Variants in TPP2 observed in about 807,000 individuals in gnomAD.
The protein encoded by TPP2 is tripeptidyl peptidase 2.
In TPP2, 34 loss-of-function variants were observed where a neutral mutation model predicts 155.9. That is an observed-to-expected ratio of 0.22 (90% confidence interval 0.17 to 0.29). TPP2 has a LOEUF of 0.29. Ranked by LOEUF, TPP2 falls within the 10% of genes least tolerant of loss-of-function variation. The probability of loss-of-function intolerance (pLI) is 1.00; values close to 1 mark genes in which losing one functional copy is unlikely to be tolerated. For missense variants in TPP2, 1,028 were observed against 1,522.3 expected, an observed-to-expected ratio of 0.68 and a Z score of 5.40; for synonymous variants, 510 against 529.4, an observed-to-expected ratio of 0.96 and a Z score of 0.50.
chr13:102,651,287 TAGAC>T, intron 23 of TPP2, 68 bp from the exon 24 acceptor site: 1 of 1,488,528 alleles, frequency 6.7e-7, no homozygotes, highest in Admixed American at 2.0e-5. Context: ...GAAAGACAAT[TAGAC>T]AGAGGTTCTG....
In TPP2 at chr13:102,678,440, A is replaced by G. The variant is rs1885425295; in HGVS notation, c.*124A>G. On this transcript the variant is annotated 3_prime_UTR_variant, in exon 30 of 30. Coordinates refer to ENST00000376052, the MANE Select transcript of TPP2 (RefSeq NM_001330588.2). ...CCACTATCCAGTACTGATTATTAAA[A>G]TGACATGTATTTATCAGAGAATTCA... is the stretch of plus-strand genomic sequence containing the variant. 1 of 721,312 alleles carries G rather than the reference A, an allele frequency of 1.4e-6. No homozygotes were observed. The highest frequency in any genetic ancestry group is 1.8e-5 in the African/African-American group (1 of 55,674). The allele number at this position is 721,312 out of a possible 1,614,324, so 44.7% of individuals were successfully genotyped here. A position where few individuals can be genotyped will look rare whatever the true frequency, so the allele number is the denominator to read the frequency against.
intron 25 of TPP2, among the ~76,000 whole-genome samples, chr13:102,659,108 G>A (rs911606196): frequency 1.3e-5 from 2 of 152,194 alleles, no homozygotes; most frequent in African/African-American, 4.8e-5. Context: ...ATTTCTTGCT[G>A]AAGGAATTGA....
intron 22 of TPP2, 117 bp downstream of exon 22, chr13:102,649,268 A>C: frequency 7.0e-7 from 1 of 1,435,860 alleles, no homozygotes; most frequent in Non-Finnish European, 9.2e-7. Flanking sequence ...TTTTGGCTGA[A>C]GTATTTCTTC....
At chr13:102,597,225 CGGGCGCGG>C in intron 1 of TPP2, 22 bp downstream of exon 1, 1 of 1,331,028 alleles carries the variant, frequency 7.5e-7, no homozygotes, top group Non-Finnish European at 9.7e-7. Flanking sequence ...CCCGAGGGCC[CGGGCGCGG>C]GGGCGCGGGC....
chr13:102,604,391 T>C (rs1722111151), intron 1 of TPP2, among the ~76,000 whole-genome samples: 1 of 152,082 alleles, frequency 6.6e-6, no homozygotes, highest in Non-Finnish European at 1.5e-5. Flanking sequence ...ATCTGACATG[T>C]TCTTTTTTTT....
At chr13:102,644,519 TAAGAA>T in intron 17 of TPP2, 33 bp from the exon 18 acceptor site, 1 of 1,485,554 alleles carries the variant, frequency 6.7e-7, no homozygotes, top group Non-Finnish European at 9.2e-7. Context: ...TTGAGAAAAA[TAAGAA>T]AAGAGATATA....
At chr13:102,665,181 C>G (rs1884509696) in intron 27 of TPP2, among the ~76,000 whole-genome samples, 1 of 152,154 alleles carries the variant, frequency 6.6e-6, no homozygotes, top group Non-Finnish European at 1.5e-5. Context: ...ATTTGAATAT[C>G]TGTGATCAAG....
At chr13:102,607,024 GCT>G (rs1177562776) in intron 2 of TPP2, among the ~76,000 whole-genome samples, 1 of 152,160 alleles carries the variant, frequency 6.6e-6, no homozygotes, top group Non-Finnish European at 1.5e-5. Context: ...ACATCAGAGA[GCT>G]CTCTCTAGAG....
intron 25 of TPP2, among the ~76,000 whole-genome samples, 179 bp downstream of exon 25, chr13:102,657,386 TA>T (rs1421873777): frequency 1.3e-5 from 2 of 151,674 alleles, no homozygotes; most frequent in Non-Finnish European, 2.9e-5. Context: ...AAATTATAAA[TA>T]TATAATTTTG....
chr13:102,627,289 T>C (rs1450908812), intron 7 of TPP2, 123 bp downstream of exon 7: 1 of 776,892 alleles, frequency 1.3e-6, no homozygotes, highest in African/African-American at 1.8e-5. Flanking sequence ...ACAGGACTTT[T>C]AACAAAGCAA....
intron 24 of TPP2, among the ~76,000 whole-genome samples, chr13:102,655,534 T>C (rs531256904): frequency 2.6e-5 from 4 of 152,222 alleles, no homozygotes; most frequent in Admixed American, 6.5e-5. Flanking sequence ...CTAGCAGGTA[T>C]AGCATGTGAT....
chr13:102,673,329 A>G (rs1179495154), intron 27 of TPP2, among the ~76,000 whole-genome samples: 1 of 152,188 alleles, frequency 6.6e-6, no homozygotes, highest in African/African-American at 2.4e-5. Context: ...AGTCTTTCAG[A>G]GTCACTCTTA....
chr13:102,667,701 T>C (rs1884697924), intron 27 of TPP2: 1 of 948,788 alleles, frequency 1.1e-6, no homozygotes, highest in Non-Finnish European at 1.3e-6. Flanking sequence ...TAGAAAGGGA[T>C]CTTACAGCTA....
intron 21 of TPP2, among the ~76,000 whole-genome samples, chr13:102,648,664 G>A (rs113649111): frequency 3.3e-5 from 5 of 152,136 alleles, no homozygotes; most frequent in African/African-American, 1.2e-4. Context: ...CCTGACTTCA[G>A]CTCTCTTATA....
At chr13:102,646,412 T>G (rs765016821) in intron 20 of TPP2, 22 bp downstream of exon 20, 19 of 1,586,668 alleles carry the variant, frequency 1.2e-5, no homozygotes, top group Non-Finnish European at 1.6e-5. Flanking sequence ...CCTAGTAAAG[T>G]GTACCCTTAG....
chr13:102,669,306 C>T (rs1348474127), intron 27 of TPP2, among the ~76,000 whole-genome samples: 1 of 152,076 alleles, frequency 6.6e-6, no homozygotes, highest in Admixed American at 6.5e-5. Context: ...TCTACTGTGG[C>T]CTGTCCTTGG....
intron 5 of TPP2, among the ~76,000 whole-genome samples, chr13:102,620,643 CTG>C (rs1463406851): frequency 2.0e-5 from 3 of 152,158 alleles, no homozygotes; most frequent in African/African-American, 7.2e-5. Flanking sequence ...AATGTCCAGT[CTG>C]TGCTCTCCCT....
chr13:102,625,797 C>G (rs1223391704), intron 6 of TPP2, among the ~76,000 whole-genome samples: 1 of 151,700 alleles, frequency 6.6e-6, no homozygotes, highest in East Asian at 1.9e-4. Flanking sequence ...CTGCCTACTT[C>G]TCCTGGAGCT....
At chr13:102,620,051 G>A (rs1881040031) in intron 5 of TPP2, among the ~76,000 whole-genome samples, 1 of 152,160 alleles carries the variant, frequency 6.6e-6, no homozygotes, top group Admixed American at 6.5e-5. Context: ...TAAAATATTA[G>A]CAGGGATTGA....
Sources: allele counts gnomAD v4.1 joint callset (sites outside exome capture counted in the v4.1 genomes callset), GRCh38; gene constraint gnomAD v4.1.1; transcripts MANE v1.5; gene names NCBI Gene and HGNC (gene_info 2026-07-23, HGNC 2026-07-21).